The following NTAN1 variants were observed in gnomAD, a reference collection of about 807,000 sequenced individuals.
NTAN1 encodes N-terminal asparagine amidase, also known as protein N-terminal asparagine amidohydrolase.
NTAN1 carries 32 observed loss-of-function variants against 41.9 expected under a neutral mutation model. The observed-to-expected ratio is 0.76, with a 90% confidence interval of 0.58 to 1.03. The LOEUF (loss-of-function observed/expected upper bound fraction) is 1.03. Ranked by LOEUF, NTAN1 falls within the 50% of genes least tolerant of loss-of-function variation. The pLI, the probability that NTAN1 is intolerant of heterozygous loss-of-function variation, is 0.00. For synonymous variants in NTAN1, 140 were observed against 139.5 expected (o/e 1.00, Z -0.03); for missense variants, 377 against 377.5 (o/e 1.00, Z 0.01).
At chr16:15,038,510 T>C in intron 9 of NTAN1, 64 bp downstream of exon 9, 1 of 963,658 alleles carries the variant, frequency 1.0e-6, no homozygotes, top group Non-Finnish European at 1.6e-6. Context: ...AAACCCTTTT[T>C]TTCTTACAGA....
chr16:15,050,723 C>T (rs985305104), intron 1 of NTAN1, among the ~76,000 whole-genome samples: 5 of 151,432 alleles, frequency 3.3e-5, no homozygotes, highest in African/African-American at 1.2e-4. Context: ...CAGACCAAGA[C>T]CCTGCCTCAA....
intron 1 of NTAN1, among the ~76,000 whole-genome samples, chr16:15,053,957 A>C (rs2151734609): frequency 6.6e-6 from 1 of 152,258 alleles, no homozygotes; most frequent in South Asian, 2.1e-4. Context: ...CCCAACCTTT[A>C]ATGTCTCCCT....
chr16:15,040,148 T>C, intron 7 of NTAN1, 82 bp from the exon 8 acceptor site: 2 of 730,978 alleles, frequency 2.7e-6, no homozygotes, highest in Non-Finnish European at 2.4e-6. Context: ...CTACCACCAC[T>C]CCTAAGAGAA....
At chr16:15,055,494 G>A (rs772107679) in intron 1 of NTAN1, among the ~76,000 whole-genome samples, 204 of 152,342 alleles carry the variant, frequency 1.3e-3, no homozygotes, top group Non-Finnish European at 1.6e-3. Flanking sequence ...ACGCAAGGAC[G>A]AAGCAACGTT....
At chr16:15,040,418 G>C (rs901660174) in intron 7 of NTAN1, 2 of 242,572 alleles carry the variant, frequency 8.2e-6, no homozygotes, top group East Asian at 9.1e-5. Context: ...CGTTCTGTTT[G>C]AATCTTCACA....
rs1037288319 is a variant in NTAN1 at position 15,040,040 on chromosome 16, A to G, written c.568T>C (p.Tyr190His). 1.2e-6 allele frequency: 2 copies of G among 1,610,226 alleles called. No homozygotes were observed. The highest frequency in any genetic ancestry group is 1.7e-6 in the Non-Finnish European group (2 of 1,176,608). The change falls in exon 8 of 10, where the codon TAC (tyrosine) becomes CAC (histidine). Residue 190 changes from tyrosine (Y) to histidine (H), a missense_variant. By Grantham distance (83) the Tyr-to-His change is moderately conservative. Transcript: ENST00000287706. ...IAVNIKTAEI[Y>H]RASFQDRGPE... ...CCCCGATCTTGAAAGGATGCTCTGT[A>G]AATCTCTGCAGTCTTAATGTTGACA...
chr16:15,039,773 T>A (rs1597749847), intron 8 of NTAN1, among the ~76,000 whole-genome samples, 196 bp downstream of exon 8: 1 of 152,312 alleles, frequency 6.6e-6, no homozygotes, highest in Middle Eastern at 3.4e-3. Context: ...GAACTGGAGC[T>A]GATGACCTAA....
rs565851224 is a variant in NTAN1, at chr16:15,055,812, G to A, written c.81+79C>T. The A allele has an allele frequency of 2.5e-4, 193 of 767,104 alleles. 3 individuals are homozygous for A. In the South Asian group the frequency reaches 4.1e-3, roughly 16 times the overall value. The allele number at this position is 767,104 out of a possible 1,614,324, so 47.5% of individuals were successfully genotyped here. ...CAACAGCGCCAAGTTTCAAGTCTGTGTCGCGTGAGGGGGGCGCTAGCCCGC... is the reference window on the plus strand; with the variant it reads ...CAACAGCGCCAAGTTTCAAGTCTGTATCGCGTGAGGGGGGCGCTAGCCCGC... On this transcript the variant is annotated intron_variant, in intron 1 of 9. Transcript: ENST00000287706.
intron 1 of NTAN1, among the ~76,000 whole-genome samples, chr16:15,049,691 G>C (rs146864278): frequency 2.6e-5 from 4 of 152,104 alleles, no homozygotes; most frequent in African/African-American, 7.2e-5. Flanking sequence ...CTCCCAAGGT[G>C]CTGGGATTAT....
chr16:15,042,733 TTTA>T (rs2043875277), intron 5 of NTAN1, among the ~76,000 whole-genome samples: 1 of 151,098 alleles, frequency 6.6e-6, no homozygotes, highest in African/African-American at 2.4e-5. Context: ...TATTTATTTA[TTTA>T]TTTATTTATT....
At chr16:15,055,650 C>T in intron 1 of NTAN1, 2 of 351,060 alleles carry the variant, frequency 5.7e-6, no homozygotes, top group Admixed American at 4.7e-5. Flanking sequence ...GGCAAGTCAC[C>T]TAACCTCTCT....
Position 15,037,877 on chromosome 16 carries a change from TTTTGAAAGTCATTTGATGAAAGTCA to T in NTAN1, c.*129_*153del. Reference sequence around the variant, plus strand: ...ATGCCTTTGCCAAAATAAGGTTTTATTTTGAAAGTCATTTGATGAAAGTCATTTGAAAGACACTGAGGAGGGAAGG... The same window carrying T: ...ATGCCTTTGCCAAAATAAGGTTTTATTTTGAAAGACACTGAGGAGGGAAGG... On this transcript the variant is annotated 3_prime_UTR_variant, in exon 10 of 10. Coordinates refer to ENST00000287706, the MANE Select transcript of NTAN1 (RefSeq NM_173474.4). 1.8e-6 allele frequency: 1 copy of T among 553,138 alleles called. No homozygotes were observed. Among genetic ancestry groups the T allele is most frequent in the Non-Finnish European group, 3.2e-6 (1 of 314,134 alleles). 34.3% of individuals were successfully genotyped at this position (553,138 alleles called of 1,614,324 possible).
At chr16:15,038,324 A>C (rs745835361) in intron 9 of NTAN1, 114 bp from the exon 10 acceptor site, 40 of 787,258 alleles carry the variant, frequency 5.1e-5, no homozygotes, top group Non-Finnish European at 7.6e-5. Context: ...AAAATACGTT[A>C]AGAAATGAGG....
intron 3 of NTAN1, 101 bp from the exon 4 acceptor site, chr16:15,047,651 A>G: frequency 1.0e-6 from 1 of 989,970 alleles, no homozygotes; most frequent in Non-Finnish European, 1.6e-6. Context: ...ATCTTTGAAT[A>G]TCCTGTAGGG....
intron 5 of NTAN1, among the ~76,000 whole-genome samples, chr16:15,042,626 C>T (rs778230614): frequency 1.1e-4 from 16 of 152,136 alleles, no homozygotes; most frequent in African/African-American, 7.2e-5. Context: ...AATGTTCTAC[C>T]GCTCATCTTC....
At chr16:15,047,641 A>G in intron 3 of NTAN1, 91 bp from the exon 4 acceptor site, 1 of 1,010,966 alleles carries the variant, frequency 9.9e-7, no homozygotes, top group Non-Finnish European at 1.6e-6. Flanking sequence ...GGACCGCCTC[A>G]TCTTTGAATA....
At chr16:15,055,205 AC>A (rs1230283841) in intron 1 of NTAN1, among the ~76,000 whole-genome samples, 4 of 151,898 alleles carry the variant, frequency 2.6e-5, no homozygotes, top group Non-Finnish European at 5.9e-5. Context: ...AAACCTGAGA[AC>A]CCCCTTGCCA....
chr16:15,038,092 G>C lies in NTAN1; in HGVS notation c.872C>G (p.Ala291Gly). 1 of 1,612,446 alleles carries C rather than the reference G, an allele frequency of 6.2e-7. No homozygotes were observed. Among genetic ancestry groups the C allele is most frequent in the Non-Finnish European group, 8.5e-7 (1 of 1,178,642 alleles). ...ATCTTCATTTTTTTTGTAGAGTAGG[G>C]CTTTATTTCCAGAAAACAGTGTGTG... ...PAHTLFSGNK[A>G]LLYKKNEDGL... is the part of the protein sequence containing the mutation. The change falls in exon 10 of 10, where the codon GCC becomes GGC. Residue 291 changes from alanine (A) to glycine (G), a missense_variant. Ala to Gly is a moderately conservative substitution (Grantham distance 60). Coordinates refer to ENST00000287706, the MANE Select transcript of NTAN1 (RefSeq NM_173474.4).
Position 15,037,995 on chromosome 16 carries a change from G to C in NTAN1, c.*36C>G. The C allele has an allele frequency of 1.3e-6, 2 of 1,550,790 alleles. No individual in the cohort carries two copies. Among genetic ancestry groups the C allele is most frequent in the Non-Finnish European group, 1.8e-6 (2 of 1,128,986 alleles). ...TGCCAGCCCCACCAATGGTCTGTCAGGCCAAGAAGGTGCTTTCTTTGGTAA... is the reference window on the plus strand; with the variant it reads ...TGCCAGCCCCACCAATGGTCTGTCACGCCAAGAAGGTGCTTTCTTTGGTAA... On this transcript the variant is annotated 3_prime_UTR_variant, in exon 10 of 10. Transcript: ENST00000287706.
Sources: gnomAD v4.1 joint callset for allele counts (sites outside exome capture counted in the v4.1 genomes callset) on GRCh38, gnomAD v4.1.1 for gene constraint, MANE v1.5 for transcripts, NCBI Gene and HGNC (gene_info 2026-07-23, HGNC 2026-07-21) for gene names.